The following ABR variants were observed in gnomAD, a reference collection of about 807,000 sequenced individuals.
The protein encoded by ABR is ABR activator of RhoGEF and GTPase.
In ABR, 35 loss-of-function variants were observed where a neutral mutation model predicts 107.2. That is an observed-to-expected ratio of 0.33 (90% CI 0.25 to 0.43). The LOEUF (loss-of-function observed/expected upper bound fraction) is 0.43, where lower values mean the gene tolerates loss of function less well. Ranked by LOEUF, ABR falls within the 20% of genes least tolerant of loss-of-function variation. The probability of loss-of-function intolerance (pLI) is 1.00; values close to 1 mark genes in which losing one functional copy is unlikely to be tolerated. For missense variants in ABR, 815 were observed against 1,115.2 expected, an observed-to-expected ratio of 0.73 and a Z score of 3.83; for synonymous variants, 498 against 462.0, an observed-to-expected ratio of 1.08 and a Z score of -1.00.
intron 1 of ABR, among the ~76,000 whole-genome samples, chr17:1,176,096 CA>C (rs368683289): frequency 0.067 from 9,342 of 140,378 alleles, 404 homozygotes; most frequent in East Asian, 0.25. Flanking sequence ...GACTCCGTGT[CA>C]AAAAAAAAAA....
chr17:1,094,134 C>T (rs1423526141), intron 3 of ABR, among the ~76,000 whole-genome samples: 1 of 152,038 alleles, frequency 6.6e-6, no homozygotes, highest in Non-Finnish European at 1.5e-5. Flanking sequence ...TGACCCTCGC[C>T]GTCCTAGAAC....
At chr17:1,058,617 C>T in intron 11 of ABR, 128 bp downstream of exon 11, 1 of 1,281,554 alleles carries the variant, frequency 7.8e-7, no homozygotes, top group Non-Finnish European at 1.1e-6. Context: ...CAGCTGGAGC[C>T]ATGGCAGCCT....
At chr17:1,013,933 T>C (rs2070891087) in intron 16 of ABR, among the ~76,000 whole-genome samples, 1 of 152,240 alleles carries the variant, frequency 6.6e-6, no homozygotes, top group Non-Finnish European at 1.5e-5. Context: ...CGTCTGCCTG[T>C]GCACCTGCGA....
At chr17:1,152,819 C>T (rs569305743) in intron 1 of ABR, among the ~76,000 whole-genome samples, 132 of 151,312 alleles carry the variant, frequency 8.7e-4, no homozygotes, top group African/African-American at 3.1e-3. Flanking sequence ...ACAGGCCGGG[C>T]GCGGTGGGTC....
chr17:1,065,697 T>C (rs544197708), intron 10 of ABR, among the ~76,000 whole-genome samples: 8 of 152,138 alleles, frequency 5.3e-5, no homozygotes, highest in Non-Finnish European at 1.0e-4. Flanking sequence ...ATTTTGAATT[T>C]TGATTTCCTC....
At chr17:1,115,693 G>C (rs1383620612) in intron 2 of ABR, among the ~76,000 whole-genome samples, 1 of 152,204 alleles carries the variant, frequency 6.6e-6, no homozygotes, top group Non-Finnish European at 1.5e-5. Context: ...GGGAGGCCGA[G>C]GCGGGCAGAT....
intron 1 of ABR, among the ~76,000 whole-genome samples, chr17:1,135,967 T>A (rs1490169533): frequency 6.6e-6 from 1 of 151,930 alleles, no homozygotes; most frequent in Non-Finnish European, 1.5e-5. Context: ...ATTTTTTTTT[T>A]TCTATTTCTG....
At chr17:1,186,084 G>C (rs188250358) in intron 1 of ABR, among the ~76,000 whole-genome samples, 4 of 152,266 alleles carry the variant, frequency 2.6e-5, no homozygotes, top group Admixed American at 2.6e-4. Context: ...TGATCCGCCC[G>C]CCTCCACCTC....
intron 1 of ABR, among the ~76,000 whole-genome samples, chr17:1,206,492 A>G (rs1598125654): frequency 2.0e-5 from 3 of 152,170 alleles, no homozygotes; most frequent in Non-Finnish European, 4.4e-5. Context: ...CCAGGGCTCA[A>G]GCGGTTCTCC....
At position 1,069,892 on chromosome 17, in the gene ABR, GC is replaced by G; in HGVS notation, c.1016+76del. The G allele has an allele frequency of 1.1e-4, 2 of 18,728 alleles. 1 individual carries two copies. The allele number at this position is 18,728 out of a possible 1,614,324, so 1.2% of individuals were successfully genotyped here. ...CGCAGAGGTCAGGACCCCCTCCCCC[GC>G]CCCGGACTCGCACACTCACCCCGCA... is the stretch of plus-strand genomic sequence containing the variant. On this transcript the variant is annotated intron_variant, in intron 9 of 22. Coordinates refer to ENST00000302538, the MANE Select transcript of ABR (RefSeq NM_021962.5).
rs369226713 is a variant in ABR at position 1,210,870 on chromosome 17, G to A, written c.838+17923C>T. On this transcript the variant is annotated intron_variant, in intron 1 of 22. Transcript: ENST00000574139. The surrounding 1 kb of genome is among the most constrained non-coding windows in gnomAD (Gnocchi z 5.6). ...CCTGTAGGGCCAGATGGACGGAAAG[G>A]GCCCTATATTTTAAAGGTGCCAGAC... Among the ~76,000 whole-genome samples the A allele has an allele frequency of 2.0e-5, 3 of 152,114 alleles. No homozygotes were observed. The highest frequency in any genetic ancestry group is 7.2e-5 in the African/African-American group (3 of 41,430).
At chr17:1,088,892 A>AT (rs56669324) in intron 4 of ABR, among the ~76,000 whole-genome samples, 17,773 of 102,484 alleles carry the variant, frequency 0.17, 2,156 homozygotes, top group African/African-American at 0.21. Context: ...GTGCCCAGCC[A>AT]TTTTTTTTTT....
chr17:1,166,248 G>C (rs748647553), intron 1 of ABR, among the ~76,000 whole-genome samples: 1 of 152,150 alleles, frequency 6.6e-6, no homozygotes, highest in Non-Finnish European at 1.5e-5. Flanking sequence ...GAGCTTTTCT[G>C]TGAGCAGGGA....
chr17:1,049,599 C>T (rs554349999), intron 16 of ABR, among the ~76,000 whole-genome samples: 1 of 152,264 alleles, frequency 6.6e-6, no homozygotes, highest in African/African-American at 2.4e-5. Flanking sequence ...TCCCCCCAAG[C>T]CAACCAGCAG....
At chr17:1,031,121 G>A (rs2072697973) in intron 16 of ABR, among the ~76,000 whole-genome samples, 1 of 152,186 alleles carries the variant, frequency 6.6e-6, no homozygotes, top group Non-Finnish European at 1.5e-5. Context: ...GAAGCCTCGA[G>A]CCCCCAGACC....
At chr17:1,030,381 G>A (rs543473442) in intron 16 of ABR, among the ~76,000 whole-genome samples, 1 of 152,350 alleles carries the variant, frequency 6.6e-6, no homozygotes, top group African/African-American at 2.4e-5. Context: ...CTGGGCTGGT[G>A]CCTGCTGGCC....
upstream of ABR, among the ~76,000 whole-genome samples, chr17:1,192,265 C>T (rs111861936): frequency 8.8e-3 from 1,347 of 152,248 alleles, 16 homozygotes; most frequent in African/African-American, 0.031. Context: ...GCATGAGCCA[C>T]GGCGCCCTGC....
upstream of ABR, among the ~76,000 whole-genome samples, chr17:1,189,274 T>C (rs189039354): frequency 3.6e-4 from 55 of 152,048 alleles, no homozygotes; most frequent in Middle Eastern, 6.9e-3. Flanking sequence ...TAACAGCAAC[T>C]GAAGGCTTGC....
chr17:1,004,028 G>A lies in ABR; in HGVS notation c.*2052C>T, dbSNP rs1035533951. 7 of 152,240 alleles carry A rather than the reference G, an allele frequency of 4.6e-5. No homozygotes were observed. The East Asian group carries it at 7.7e-4, about 17-fold the overall frequency. 9.4% of individuals were successfully genotyped at this position (152,240 alleles called of 1,614,324 possible). A position where few individuals can be genotyped will look rare whatever the true frequency, so the allele number is the denominator to read the frequency against. ...CAGCCTTCCCATAGCCTGTTCTCAC[G>A]TTGCCTCAGCGAGCTTGGGGCTGTG... On this transcript the variant is annotated 3_prime_UTR_variant, in exon 23 of 23. Coordinates refer to ENST00000302538, the MANE Select transcript of ABR (RefSeq NM_021962.5).
Sources: allele counts gnomAD v4.1 joint callset (sites outside exome capture counted in the v4.1 genomes callset), GRCh38; gene constraint gnomAD v4.1.1; non-coding constraint Gnocchi (gnomAD v3.1); transcripts MANE v1.5; gene names NCBI Gene and HGNC (gene_info 2026-07-23, HGNC 2026-07-21).